Variants in TMEM74 observed in about 807,000 individuals in gnomAD.
The protein encoded by TMEM74 is transmembrane protein 74.
In TMEM74, 13 loss-of-function variants were observed where a neutral mutation model predicts 18.1. That is an observed-to-expected ratio of 0.72 (90% CI 0.47 to 1.14). TMEM74 has a LOEUF of 1.14. Ranked by LOEUF, TMEM74 falls within the 50% of genes most tolerant of loss-of-function variation. The pLI, the probability that TMEM74 is intolerant of heterozygous loss-of-function variation, is 0.00. For synonymous variants in TMEM74, 159 were observed against 146.6 expected (o/e 1.08, Z -0.61); for missense variants, 372 against 375.9 (o/e 0.99, Z 0.09).
chr8:108,634,556 C>T (rs752505979), intron 2 of TMEM74, among the ~76,000 whole-genome samples: 8 of 152,000 alleles, frequency 5.3e-5, no homozygotes, highest in Non-Finnish European at 8.8e-5. Flanking sequence ...ATATTCCACT[C>T]TTTCCAAACC....
intron 1 of TMEM74, among the ~76,000 whole-genome samples, chr8:108,721,967 A>T (rs1813590444): frequency 6.6e-6 from 1 of 152,208 alleles, no homozygotes; most frequent in Admixed American, 6.5e-5. Flanking sequence ...TCTTTGATGT[A>T]CAGTGTGTAA....
downstream of TMEM74, among the ~76,000 whole-genome samples, chr8:108,777,987 T>A (rs1482292353): frequency 1.2e-4 from 18 of 149,806 alleles, no homozygotes. Flanking sequence ...TTGTGACAAT[T>A]TTTTTTTAAG....
intron 2 of TMEM74, among the ~76,000 whole-genome samples, chr8:108,646,051 G>T (rs1269168539): frequency 6.6e-6 from 1 of 150,898 alleles, no homozygotes; most frequent in Non-Finnish European, 1.5e-5. Flanking sequence ...TATAAAACCA[G>T]TAAACCACTT....
intron 1 of TMEM74, among the ~76,000 whole-genome samples, chr8:108,747,791 C>A (rs965214113): frequency 3.3e-5 from 5 of 151,346 alleles, no homozygotes; most frequent in African/African-American, 1.2e-4. Context: ...TTAGCTCCCA[C>A]TTATAAGTGA....
In TMEM74 at chr8:108,629,342, C is replaced by T. The variant is rs150620715; in HGVS notation, n.265-20516G>A. ...AGAAATATGGGACTATGTGAAAAGACCAAGCCTATGATTGATTGGTATACC... is the reference window on the plus strand; with the variant it reads ...AGAAATATGGGACTATGTGAAAAGATCAAGCCTATGATTGATTGGTATACC... On this transcript the variant is annotated intron_variant and non_coding_transcript_variant, in intron 2 of 3. Coordinates refer to the TMEM74 transcript ENST00000518838. Among the ~76,000 whole-genome samples the T allele has an allele frequency of 1.8e-4, 28 of 152,024 alleles. No individual in the cohort carries two copies. In the East Asian group the frequency reaches 4.3e-3, roughly 23 times the overall value.
intron 1 of TMEM74, among the ~76,000 whole-genome samples, chr8:108,696,699 C>G (rs1367222342): frequency 6.6e-6 from 1 of 152,170 alleles, no homozygotes; most frequent in African/African-American, 2.4e-5. Flanking sequence ...CCTCCAAACC[C>G]CTGCTCTCCA....
rs144539318 is a variant in TMEM74 at position 108,744,870 on chromosome 8, G to A, written n.119+42606C>T. On this transcript the variant is annotated intron_variant and non_coding_transcript_variant, in intron 1 of 3. Coordinates refer to the TMEM74 transcript ENST00000518838. ...TGTCTGAGGCCTTCTACACTTCCCT[G>A]GGAATCTGGCTGATGGATAATGTTG... 5.8e-3 allele frequency among the ~76,000 whole-genome samples: 879 copies of A among 152,242 alleles called. 6 individuals are homozygous for A. Among genetic ancestry groups the A allele is most frequent in the Non-Finnish European group, 7.2e-3 (488 of 67,998 alleles).
At chr8:108,646,759 T>G (rs1285728056) in intron 2 of TMEM74, among the ~76,000 whole-genome samples, 1 of 152,160 alleles carries the variant, frequency 6.6e-6, no homozygotes, top group African/African-American at 2.4e-5. Context: ...TCTTTGGACT[T>G]CAATGCTGTC....
intron 1 of TMEM74, among the ~76,000 whole-genome samples, chr8:108,657,854 AAAAAAATATATATATATAT>A (rs1812852738): frequency 3.4e-5 from 2 of 58,078 alleles, no homozygotes; most frequent in Non-Finnish European, 3.0e-5. Context: ...AAAAAAAAAA[AAAAAAATATATATATATAT>A]ATATATATAT....
At chr8:108,739,920 A>G (rs374395686) in intron 1 of TMEM74, among the ~76,000 whole-genome samples, 8 of 152,238 alleles carry the variant, frequency 5.3e-5, no homozygotes, top group African/African-American at 1.7e-4. Context: ...ACCGGGGGCC[A>G]TCGCAATCGT....
intron 2 of TMEM74, among the ~76,000 whole-genome samples, chr8:108,646,426 A>G (rs1440588054): frequency 6.6e-6 from 1 of 152,196 alleles, no homozygotes; most frequent in African/African-American, 2.4e-5. Context: ...CACCAAGATT[A>G]AATGAATTGT....
chr8:108,694,512 G>A (rs934234172), intron 1 of TMEM74, among the ~76,000 whole-genome samples: 26 of 152,146 alleles, frequency 1.7e-4, no homozygotes, highest in Admixed American at 1.7e-3. Context: ...TTTATATGAA[G>A]AATGATGCTG....
At chr8:108,758,759 T>TA (rs927959400) in intron 1 of TMEM74, among the ~76,000 whole-genome samples, 33 of 152,036 alleles carry the variant, frequency 2.2e-4, no homozygotes, top group Non-Finnish European at 4.7e-4. Flanking sequence ...TAAAATATTT[T>TA]AAAAAATGTA....
intron 1 of TMEM74, among the ~76,000 whole-genome samples, chr8:108,746,706 G>GT (rs1813851493): frequency 6.6e-6 from 1 of 152,032 alleles, no homozygotes; most frequent in Non-Finnish European, 1.5e-5. Flanking sequence ...TGATCAGAGG[G>GT]TTGGAACTTT....
chr8:108,617,360 G>T (rs1812395102), intron 2 of TMEM74, among the ~76,000 whole-genome samples: 1 of 152,044 alleles, frequency 6.6e-6, no homozygotes, highest in South Asian at 2.1e-4. Flanking sequence ...CAGTGTTAAT[G>T]CTACTGATAA....
chr8:108,687,326 TC>T (rs1177275331), intron 1 of TMEM74, among the ~76,000 whole-genome samples: 1 of 146,236 alleles, frequency 6.8e-6, no homozygotes, highest in Non-Finnish European at 1.5e-5. Flanking sequence ...CAAGGAAAGA[TC>T]CATCAACAAA....
At chr8:108,650,482 C>T (rs1812762593) in intron 2 of TMEM74, among the ~76,000 whole-genome samples, 1 of 152,164 alleles carries the variant, frequency 6.6e-6, no homozygotes, top group Non-Finnish European at 1.5e-5. Context: ...AAACTCCATA[C>T]CATTGGGTTC....
Position 108,674,364 on chromosome 8 carries a change from A to G in TMEM74, n.120-18927T>C, listed in dbSNP as rs182464161. Among the ~76,000 whole-genome samples the G allele has an allele frequency of 3.9e-5, 6 of 152,298 alleles. No homozygotes were observed. In the East Asian group the frequency reaches 1.2e-3, roughly 29 times the overall value. The stretch of plus-strand genomic sequence containing the variant: ...GAGTGTGATCCAAAAAACAAAGTGA[A>G]TTATACTGGAAACAAATATCCTTGG... On this transcript the variant is annotated intron_variant and non_coding_transcript_variant, in intron 1 of 3. Transcript: ENST00000518838.
intron 1 of TMEM74, among the ~76,000 whole-genome samples, chr8:108,683,003 T>G (rs1235966852): frequency 6.6e-6 from 1 of 151,668 alleles, no homozygotes; most frequent in Non-Finnish European, 1.5e-5. Context: ...TAGCTAAGGA[T>G]GGAATTAAAG....
Sources: allele counts gnomAD v4.1 joint callset (sites outside exome capture counted in the v4.1 genomes callset), GRCh38; gene constraint gnomAD v4.1.1; transcripts MANE v1.5; gene names NCBI Gene and HGNC (gene_info 2026-07-23, HGNC 2026-07-21).